The following HACL1 variants were observed in gnomAD, a reference collection of about 807,000 sequenced individuals.
HACL1 encodes 2-hydroxyacyl-CoA lyase 1, also known as 1600020H07Rik.
HACL1 carries 64 observed loss-of-function variants against 74.2 expected under a neutral mutation model. The observed-to-expected ratio is 0.86, with a 90% CI of 0.70 to 1.06. The LOEUF (loss-of-function observed/expected upper bound fraction) is 1.06, where lower values mean the gene tolerates loss of function less well. Ranked by LOEUF, HACL1 falls within the 50% of genes least tolerant of loss-of-function variation. The pLI is 0.00. For missense variants in HACL1, 728 were observed against 719.7 expected, an observed-to-expected ratio of 1.01 and a Z score of -0.13; for synonymous variants, 230 against 238.8, an observed-to-expected ratio of 0.96 and a Z score of 0.34.
At chr3:15,592,563 T>C (rs1384912630) in intron 3 of HACL1, among the ~76,000 whole-genome samples, 5 of 148,378 alleles carry the variant, frequency 3.4e-5, no homozygotes, top group African/African-American at 7.4e-5. Flanking sequence ...TGTGCGTGTA[T>C]ACACATGTAC....
At chr3:15,592,048 C>T (rs1279066022) in intron 3 of HACL1, among the ~76,000 whole-genome samples, 6 of 106,864 alleles carry the variant, frequency 5.6e-5, no homozygotes, top group South Asian at 3.1e-4. Context: ...TATACACACA[C>T]TATATACGTA....
chr3:15,582,310 A>T (rs2063727582), intron 8 of HACL1, among the ~76,000 whole-genome samples: 1 of 152,224 alleles, frequency 6.6e-6, no homozygotes, highest in African/African-American at 2.4e-5. Context: ...AGGAAACTTA[A>T]ATCCTAAATA....
rs781487141 is a variant in HACL1, at chr3:15,560,889, A to G, written c.1713T>C (p.His571=). The change falls in exon 17 of 17, where the codon CAT becomes CAC. Residue 571 remains histidine, a synonymous_variant. Coordinates refer to ENST00000321169, the MANE Select transcript of HACL1 (RefSeq NM_012260.4). ...TTTACATATTAGAGCGGGTCAGCCA[A>G]TGAAAATCCTAGAAAAAGAAGACAA... ...PQATRKAQDF[H]WLTRSNM is the part of the protein sequence containing the mutation. 1.9e-6 allele frequency: 3 copies of G among 1,605,978 alleles called. No individual in the cohort carries two copies. The South Asian group carries it at 3.3e-5, about 18-fold the overall frequency.
chr3:15,585,883 T>C (rs1325410051), intron 6 of HACL1, among the ~76,000 whole-genome samples: 1 of 152,176 alleles, frequency 6.6e-6, no homozygotes, highest in African/African-American at 2.4e-5. Context: ...GGTGGAAAAT[T>C]CCATATCTGA....
chr3:15,562,074 C>A (rs1022924260), intron 16 of HACL1, among the ~76,000 whole-genome samples: 1 of 152,154 alleles, frequency 6.6e-6, no homozygotes, highest in Non-Finnish European at 1.5e-5. Flanking sequence ...AAACTAACAT[C>A]CCAGTCACTG....
intron 4 of HACL1, among the ~76,000 whole-genome samples, chr3:15,591,045 C>CA (rs1249159718): frequency 6.6e-6 from 1 of 152,190 alleles, no homozygotes; most frequent in Non-Finnish European, 1.5e-5. Context: ...TGCACCACTG[C>CA]ACTCCAGCCT....
At chr3:15,581,277 A>G (rs1387844324) in intron 8 of HACL1, among the ~76,000 whole-genome samples, 2 of 152,182 alleles carry the variant, frequency 1.3e-5, no homozygotes, top group Non-Finnish European at 2.9e-5. Context: ...CATTAAAAAT[A>G]CCTTATTGTT....
chr3:15,600,988 A>T (rs1178119578), intron 2 of HACL1, 102 bp downstream of exon 2: 2 of 729,758 alleles, frequency 2.7e-6, no homozygotes, highest in African/African-American at 3.5e-5. Context: ...TATGTAAAGT[A>T]GCAGAAGAGT....
intron 4 of HACL1, among the ~76,000 whole-genome samples, chr3:15,590,417 GAAAGT>G (rs1427961152): frequency 6.6e-6 from 1 of 151,762 alleles, no homozygotes; most frequent in Non-Finnish European, 1.5e-5. Context: ...AGATCAAAAG[GAAAGT>G]AAAGAAGAAA....
chr3:15,591,553 C>T (rs759452735), intron 4 of HACL1, 47 bp downstream of exon 4: 1 of 1,118,772 alleles, frequency 8.9e-7, no homozygotes, highest in Non-Finnish European at 1.4e-6. Flanking sequence ...TAAAATCCTG[C>T]AGTGACCTTT....
rs1178436872 is a variant in HACL1 at position 15,592,277 on chromosome 3, C to CATAT, written c.228-598_228-597insATAT. Among the ~76,000 whole-genome samples the CATAT allele has an allele frequency of 1.7e-3, 250 of 148,020 alleles. 15 individuals carry two copies. The highest frequency in any genetic ancestry group is 5.8e-3 in the African/African-American group (227 of 39,136). On this transcript the variant is annotated intron_variant, in intron 3 of 16. Coordinates refer to ENST00000321169, the MANE Select transcript of HACL1 (RefSeq NM_012260.4). ...ATATATGGATCCATATATACGTATA[C>CATAT]ATACGTGTATATGTATACATACGTA...
intron 14 of HACL1, among the ~76,000 whole-genome samples, chr3:15,566,482 T>A (rs563483786): frequency 6.6e-6 from 1 of 152,152 alleles, no homozygotes; most frequent in Non-Finnish European, 1.5e-5. Context: ...GGCAAAGCCC[T>A]GTCTCTACAA....
At chr3:15,574,099 C>T (rs1489915709) in intron 10 of HACL1, among the ~76,000 whole-genome samples, 3 of 152,174 alleles carry the variant, frequency 2.0e-5, no homozygotes, top group Admixed American at 6.5e-5. Context: ...AGCACAGTGG[C>T]TCAAGTCTGT....
intron 2 of HACL1, among the ~76,000 whole-genome samples, chr3:15,598,503 A>G (rs911140778): frequency 6.6e-6 from 1 of 152,170 alleles, no homozygotes; most frequent in African/African-American, 2.4e-5. Context: ...CTGTTTCTTC[A>G]TCTATAAAAT....
At chr3:15,574,293 G>T (rs113874187) in intron 10 of HACL1, among the ~76,000 whole-genome samples, 1,536 of 152,296 alleles carry the variant, frequency 0.01, 19 homozygotes, top group Non-Finnish European at 0.015. Context: ...ACTTAAGCTC[G>T]AGAGGTTGAG....
At chr3:15,581,874 AAAG>A (rs1333227485) in intron 8 of HACL1, among the ~76,000 whole-genome samples, 1 of 152,214 alleles carries the variant, frequency 6.6e-6, no homozygotes, top group East Asian at 1.9e-4. Flanking sequence ...ATGTTTGTTA[AAAG>A]AAGAATGAAA....
chr3:15,598,447 C>T (rs1395957574), intron 2 of HACL1, among the ~76,000 whole-genome samples: 1 of 152,226 alleles, frequency 6.6e-6, no homozygotes, highest in Non-Finnish European at 1.5e-5. Flanking sequence ...TAAATCCCAG[C>T]TTCCCCACTT....
chr3:15,575,086 T>C lies in HACL1; in HGVS notation c.804-4A>G. Reference sequence around the variant, plus strand: ...TACATCAGCAAATTGCAAAGCCCTATTAAAAAAATTGATATGAAAGTATAA... The same window carrying C: ...TACATCAGCAAATTGCAAAGCCCTACTAAAAAAATTGATATGAAAGTATAA... On this transcript the variant is annotated splice_polypyrimidine_tract_variant and splice_region_variant and intron_variant, in intron 9 of 16. Transcript: ENST00000321169. The C allele has an allele frequency of 7.1e-7, 1 of 1,408,420 alleles. No homozygotes were observed. Among genetic ancestry groups the C allele is most frequent in the Non-Finnish European group, 1.0e-6 (1 of 996,732 alleles). 87.2% of individuals were successfully genotyped at this position (1,408,420 alleles called of 1,614,324 possible).
chr3:15,581,033 C>G (rs1477640971), intron 8 of HACL1, among the ~76,000 whole-genome samples: 1 of 152,258 alleles, frequency 6.6e-6, no homozygotes, highest in Non-Finnish European at 1.5e-5. Context: ...TCCCAAGTAG[C>G]TGGGATTACA....
Sources: allele counts gnomAD v4.1 joint callset (sites outside exome capture counted in the v4.1 genomes callset), GRCh38; gene constraint gnomAD v4.1.1; transcripts MANE v1.5; gene names NCBI Gene and HGNC (gene_info 2026-07-23, HGNC 2026-07-21).